SLC39A10: variants seen among roughly 807,000 people sequenced by gnomAD.
The protein encoded by SLC39A10 is zinc transporter ZIP10.
In SLC39A10, 13 loss-of-function variants were observed where a neutral mutation model predicts 65.1. The ratio of observed to expected loss-of-function variants is 0.20; its 90% CI spans 0.13 to 0.32. SLC39A10 has a LOEUF of 0.32. SLC39A10 is among the 10% of genes least tolerant of loss of function. SLC39A10 has a pLI of 1.00. For synonymous variants in SLC39A10, 321 were observed against 342.2 expected (o/e 0.94, Z 0.68); for missense variants, 831 against 1,018.4 (o/e 0.82, Z 2.50).
rs55916294 is a variant in SLC39A10 at position 195,735,805 on chromosome 2, ATTT to A, written c.*780_*782del. 2.0e-4 allele frequency: 25 copies of A among 124,370 alleles called. No individual in the cohort carries two copies. The highest frequency in any genetic ancestry group is 2.7e-4 in the Non-Finnish European group (16 of 60,128). 7.7% of individuals were successfully genotyped at this position (124,370 alleles called of 1,614,324 possible). ...TGTTTTTTACTTTAATTTTGTTTTGATTTTTTTTTTTTTTTTTTGGCGGGGGTA... is the reference window on the plus strand; with the variant it reads ...TGTTTTTTACTTTAATTTTGTTTTGATTTTTTTTTTTTTTTGGCGGGGGTA... On this transcript the variant is annotated 3_prime_UTR_variant, in exon 10 of 10. Transcript: ENST00000359634.
chr2:195,715,149 A>T (rs1459810285), intron 6 of SLC39A10, among the ~76,000 whole-genome samples: 1 of 152,236 alleles, frequency 6.6e-6, no homozygotes, highest in African/African-American at 2.4e-5. Flanking sequence ...ATAATAGCTG[A>T]TTTTAAAGAA....
chr2:195,730,513 A>G (rs753286618), intron 9 of SLC39A10, among the ~76,000 whole-genome samples: 2 of 152,154 alleles, frequency 1.3e-5, no homozygotes, highest in African/African-American at 2.4e-5. Flanking sequence ...GTAGGTTTCT[A>G]TAATACCACA....
At chr2:195,722,806 A>G (rs1214834071) in intron 8 of SLC39A10, among the ~76,000 whole-genome samples, 1 of 152,232 alleles carries the variant, frequency 6.6e-6, no homozygotes, top group Non-Finnish European at 1.5e-5. Flanking sequence ...TTCTTAAAAC[A>G]ATTCTGAGAT....
chr2:195,684,254 C>T (rs1293053037), intron 3 of SLC39A10, among the ~76,000 whole-genome samples: 1 of 151,966 alleles, frequency 6.6e-6, no homozygotes, highest in Non-Finnish European at 1.5e-5. Context: ...AATTACTTAA[C>T]ATTTATCAGG....
At chr2:195,686,150 A>C (rs1231812474) in intron 3 of SLC39A10, among the ~76,000 whole-genome samples, 1 of 152,222 alleles carries the variant, frequency 6.6e-6, no homozygotes, top group Non-Finnish European at 1.5e-5. Context: ...GAATTCTGGC[A>C]TAATAAAGGA....
At chr2:195,662,989 A>G (rs1689466508) in intron 1 of SLC39A10, among the ~76,000 whole-genome samples, 1 of 152,180 alleles carries the variant, frequency 6.6e-6, no homozygotes, top group Non-Finnish European at 1.5e-5. Context: ...TGCAGAGGGA[A>G]TTATGCTTTA....
At chr2:195,634,035 C>G (rs1688649343) in intron 2 of SLC39A10, among the ~76,000 whole-genome samples, 1 of 152,208 alleles carries the variant, frequency 6.6e-6, no homozygotes, top group African/African-American at 2.4e-5. Flanking sequence ...AATTCAGATT[C>G]AAAATCTTCA....
intron 2 of SLC39A10, among the ~76,000 whole-genome samples, chr2:195,618,958 T>C (rs765397662): frequency 1.3e-5 from 2 of 151,998 alleles, no homozygotes; most frequent in African/African-American, 4.8e-5. Flanking sequence ...CCTGGCATGA[T>C]GGCGGGTGCC....
At chr2:195,696,605 G>GGATT (rs1228527601) in intron 3 of SLC39A10, among the ~76,000 whole-genome samples, 2 of 151,916 alleles carry the variant, frequency 1.3e-5, no homozygotes, top group East Asian at 3.9e-4. Flanking sequence ...CAACGTGGGG[G>GGATT]GATTAGCAGT....
chr2:195,713,414 A>G lies in SLC39A10; in HGVS notation c.1576-19A>G. 1 of 1,517,006 alleles carries G rather than the reference A, an allele frequency of 6.6e-7. No homozygotes were observed. Among genetic ancestry groups the G allele is most frequent in the Admixed American group, 2.4e-5 (1 of 40,938 alleles). 94.0% of individuals were successfully genotyped at this position (1,517,006 alleles called of 1,614,324 possible). A position where few individuals can be genotyped will look rare whatever the true frequency, so the allele number is the denominator to read the frequency against. ...ACATTTTATACTAATATCAGATACT[A>G]TTTTTTTTCTTTTTTTAGGGAAAAC... On this transcript the variant is annotated intron_variant, in intron 5 of 9. Coordinates refer to ENST00000359634, the MANE Select transcript of SLC39A10 (RefSeq NM_020342.3).
chr2:195,615,300 T>G (rs935087864), intron 2 of SLC39A10, among the ~76,000 whole-genome samples: 13 of 152,164 alleles, frequency 8.5e-5, no homozygotes, highest in Admixed American at 7.2e-4. Context: ...ATGAAGATGT[T>G]GCTGGTCCAC....
chr2:195,668,880 C>T (rs1352469050), intron 1 of SLC39A10, among the ~76,000 whole-genome samples: 1 of 152,020 alleles, frequency 6.6e-6, no homozygotes, highest in Non-Finnish European at 1.5e-5. Context: ...GTCAGGAGTT[C>T]AAGACCAACC....
intron 2 of SLC39A10, among the ~76,000 whole-genome samples, chr2:195,683,155 C>CT (rs11386545): frequency 0.51 from 74,782 of 148,022 alleles, 19,401 homozygotes; most frequent in Non-Finnish European, 0.6. Flanking sequence ...TTTAAGCTTA[C>CT]TTTTTTTTTT....
intron 1 of SLC39A10, among the ~76,000 whole-genome samples, chr2:195,661,578 A>C (rs1315971439): frequency 6.6e-6 from 1 of 152,158 alleles, no homozygotes; most frequent in Non-Finnish European, 1.5e-5. Context: ...TGCTTAGGAG[A>C]CCACATACAA....
intron 3 of SLC39A10, among the ~76,000 whole-genome samples, chr2:195,694,667 G>T (rs1690872003): frequency 6.6e-6 from 1 of 152,158 alleles, no homozygotes; most frequent in East Asian, 1.9e-4. Flanking sequence ...AGAGTGAAAT[G>T]GACACTGTGA....
intron 5 of SLC39A10, among the ~76,000 whole-genome samples, chr2:195,711,834 A>G (rs1341630025): frequency 6.6e-6 from 1 of 152,122 alleles, no homozygotes; most frequent in Non-Finnish European, 1.5e-5. Context: ...TATCCTTCTC[A>G]TTGACTTTTG....
intron 2 of SLC39A10, among the ~76,000 whole-genome samples, chr2:195,641,608 G>A (rs1688812027): frequency 6.6e-6 from 1 of 151,374 alleles, no homozygotes; most frequent in African/African-American, 2.4e-5. Context: ...TATATCACAT[G>A]TCAATTTAGA....
chr2:195,669,691 A>G (rs1185772550), intron 1 of SLC39A10, among the ~76,000 whole-genome samples: 2 of 152,188 alleles, frequency 1.3e-5, no homozygotes, highest in Non-Finnish European at 2.9e-5. Flanking sequence ...ACTACAATCC[A>G]AAGCCTATAG....
At chr2:195,663,455 AC>A (rs748222676) in intron 1 of SLC39A10, among the ~76,000 whole-genome samples, 3 of 152,208 alleles carry the variant, frequency 2.0e-5, no homozygotes, top group Non-Finnish European at 4.4e-5. Context: ...ATGAAACAAT[AC>A]ATGGTGTGTT....
Sources: gnomAD v4.1 joint callset for allele counts (sites outside exome capture counted in the v4.1 genomes callset) on GRCh38, gnomAD v4.1.1 for gene constraint, MANE v1.5 for transcripts, NCBI Gene and HGNC (gene_info 2026-07-23, HGNC 2026-07-21) for gene names.